The following SYNE1 variants were observed in gnomAD, a reference collection of about 807,000 sequenced individuals.
SYNE1 encodes spectrin repeat containing nuclear envelope protein 1, also known as nesprin-1.
In SYNE1, 616 loss-of-function variants were observed where a neutral mutation model predicts 1,111.0. That is an observed-to-expected ratio of 0.55 (90% CI 0.52 to 0.59). SYNE1 has a LOEUF of 0.59. Ranked by LOEUF, SYNE1 falls within the 20% of genes least tolerant of loss-of-function variation. The pLI is 0.00. For missense variants in SYNE1, 10,006 were observed against 10,417.0 expected (o/e 0.96, Z 1.72); for synonymous variants, 3,855 against 3,825.8 (o/e 1.01, Z -0.28).
At position 152,387,190 on chromosome 6, in the gene SYNE1, A is replaced by G; in HGVS notation, c.8369T>C (p.Leu2790Pro). ...LSEAEDHTRALHRLIAKSREL... is the reference protein window; with the variant it reads ...LSEAEDHTRAPHRLIAKSREL... Reference sequence around the variant, plus strand: ...CCTGGACTTCGCAATTAGACGGTGAAGGGCTCTCGTGTGATCTTCTGCCTC... The same window carrying G: ...CCTGGACTTCGCAATTAGACGGTGAGGGGCTCTCGTGTGATCTTCTGCCTC... The change falls in exon 54 of 146, where the codon CTT becomes CCT. Residue 2790 changes from leucine to proline, a missense_variant. Leu to Pro is a moderately conservative substitution (Grantham distance 98, BLOSUM62 -3). This residue lies in a region of SYNE1 where 4,955 missense variants were observed against 5,017.2 expected (regional missense o/e 0.99). Transcript: ENST00000367255. 6.2e-7 allele frequency: 1 copy of G among 1,614,170 alleles called. No homozygotes were observed. Among genetic ancestry groups the G allele is most frequent in the African/African-American group, 1.3e-5 (1 of 75,044 alleles).
Position 152,278,064 on chromosome 6 carries a change from G to C in SYNE1, c.18573+25C>G, listed in dbSNP as rs781099262. 4.3e-6 allele frequency: 7 copies of C among 1,613,140 alleles called. No homozygotes were observed. In the South Asian group the frequency reaches 7.7e-5, roughly 18 times the overall value. On this transcript the variant is annotated intron_variant, in intron 98 of 145. Transcript: ENST00000367255. Reference sequence around the variant, plus strand: ...GTGAACAGTGTGCCAACTTTCAGCTGTGGGCCAGCGGCTGGAACCCTCACC... The same window carrying C: ...GTGAACAGTGTGCCAACTTTCAGCTCTGGGCCAGCGGCTGGAACCCTCACC...
chr6:152,125,435 A>G, intron 145 of SYNE1: 1 of 1,464,838 alleles, frequency 6.8e-7, no homozygotes, highest in Non-Finnish European at 9.1e-7. Context: ...AGGCAGTTAC[A>G]TGACCATGGG....
At chr6:152,136,593 A>G in intron 141 of SYNE1, 25 bp downstream of exon 141, 1 of 1,611,640 alleles carries the variant, frequency 6.2e-7, no homozygotes. Context: ...TCTCTGAGTC[A>G]CCTCCTGCCC....
At chr6:152,512,867 A>C (rs2099092241) in intron 6 of SYNE1, among the ~76,000 whole-genome samples, 1 of 152,178 alleles carries the variant, frequency 6.6e-6, no homozygotes, top group African/African-American at 2.4e-5. Context: ...TAGGATGGGC[A>C]ATAGAGACAC....
intron 51 of SYNE1, among the ~76,000 whole-genome samples, chr6:152,392,997 C>G (rs760160689): frequency 6.6e-6 from 1 of 152,032 alleles, no homozygotes; most frequent in Non-Finnish European, 1.5e-5. Flanking sequence ...CAGGTGGCCC[C>G]GTGGAGAACC....
chr6:152,336,773 T>G (rs1429385910), intron 76 of SYNE1, 68 bp downstream of exon 76: 1 of 1,581,058 alleles, frequency 6.3e-7, no homozygotes, highest in Admixed American at 1.7e-5. Flanking sequence ...GTGAATACAC[T>G]GAACACATTT....
intron 67 of SYNE1, 23 bp from the exon 68 acceptor site, chr6:152,353,767 G>A (rs764390186): frequency 6.2e-7 from 1 of 1,613,000 alleles, no homozygotes; most frequent in Non-Finnish European, 8.5e-7. Context: ...AGTATCGAAG[G>A]GAAAGATTCA....
rs1331303735 is a variant in SYNE1, at chr6:152,321,122, A to G, written c.16236+116T>C. The G allele has an allele frequency of 3.3e-6, 4 of 1,199,890 alleles. No individual in the cohort carries two copies. The Admixed American group carries it at 9.4e-5, about 28-fold the overall frequency. 74.3% of individuals were successfully genotyped at this position (1,199,890 alleles called of 1,614,324 possible). On this transcript the variant is annotated intron_variant, in intron 84 of 145. Transcript: ENST00000367255. Reference sequence around the variant, plus strand: ...TAATATTATTGTTTTATAGCCATCTATTTTTTTTAACTCTGTCTCCAAGAA... The same window carrying G: ...TAATATTATTGTTTTATAGCCATCTGTTTTTTTTAACTCTGTCTCCAAGAA...
At chr6:152,224,762 A>C in intron 116 of SYNE1, 98 bp from the exon 117 acceptor site, 1 of 1,264,414 alleles carries the variant, frequency 7.9e-7, no homozygotes, top group South Asian at 1.3e-5. Context: ...TAAGAACTTC[A>C]TCAGGGTTTC....
intron 3 of SYNE1, among the ~76,000 whole-genome samples, chr6:152,597,598 A>G (rs543249498): frequency 3.9e-5 from 6 of 152,214 alleles, no homozygotes; most frequent in Non-Finnish European, 5.9e-5. Context: ...TTAATTCAGC[A>G]GCCAGATATC....
In SYNE1 at chr6:152,442,023, A is replaced by G. The variant is rs1271377865; in HGVS notation, c.4008+52T>C. ...CTTGGTGTTATGAGGCACAACCGGAAGTGAACACTGCCCAGCCTCTGTTTA... is the reference window on the plus strand; with the variant it reads ...CTTGGTGTTATGAGGCACAACCGGAGGTGAACACTGCCCAGCCTCTGTTTA... On this transcript the variant is annotated intron_variant, in intron 31 of 145. Coordinates refer to ENST00000367255, the MANE Select transcript of SYNE1 (RefSeq NM_182961.4). The G allele has an allele frequency of 7.5e-6, 12 of 1,608,972 alleles. No homozygotes were observed. In the East Asian group the frequency reaches 2.0e-4, roughly 27 times the overall value.
At chr6:152,559,174 A>G (rs1443443406) in intron 3 of SYNE1, among the ~76,000 whole-genome samples, 1 of 89,230 alleles carries the variant, frequency 1.1e-5, no homozygotes, top group Non-Finnish European at 2.2e-5. Context: ...CACTCACTGT[A>G]GCCTAGAACT....
intron 4 of SYNE1, among the ~76,000 whole-genome samples, chr6:152,536,860 T>A (rs2099245789): frequency 6.6e-6 from 1 of 152,102 alleles, no homozygotes; most frequent in African/African-American, 2.4e-5. Context: ...TGGTTCATAA[T>A]CTACAAAATA....
intron 75 of SYNE1, among the ~76,000 whole-genome samples, chr6:152,337,375 T>C (rs2096420601): frequency 6.6e-6 from 1 of 152,076 alleles, no homozygotes; most frequent in African/African-American, 2.4e-5. Flanking sequence ...CAGCAATCTC[T>C]GCCTCCCGGG....
At chr6:152,502,928 T>C (rs2099037603) in intron 9 of SYNE1, among the ~76,000 whole-genome samples, 186 bp from the exon 10 acceptor site, 1 of 152,096 alleles carries the variant, frequency 6.6e-6, no homozygotes, top group Non-Finnish European at 1.5e-5. Context: ...TGATGAAAAT[T>C]ATATTACTCA....
intron 140 of SYNE1, among the ~76,000 whole-genome samples, chr6:152,138,184 A>AT (rs2152766353): frequency 6.6e-6 from 1 of 152,192 alleles, no homozygotes; most frequent in African/African-American, 2.4e-5. Context: ...TGGAGGGGAG[A>AT]TTCATTTCTC....
intron 58 of SYNE1, among the ~76,000 whole-genome samples, chr6:152,374,642 C>T (rs910042441): frequency 3.9e-5 from 6 of 152,060 alleles, no homozygotes; most frequent in East Asian, 1.9e-4. Context: ...GGCGTGTTGA[C>T]GCATGTCTGT....
In SYNE1 at chr6:152,215,139, T is replaced by C. The variant is rs910111860; in HGVS notation, c.22192-79A>G. On this transcript the variant is annotated intron_variant, in intron 121 of 145. Transcript: ENST00000367255. ...TTTTTCAAAGTGCGCAGTGAATTTC[T>C]GATTTCAGGAAGTAGCTGGTCTTCG... The C allele has an allele frequency of 1.1e-4, 164 of 1,531,964 alleles. 2 individuals are homozygous for C. The South Asian group carries it at 1.8e-3, about 17-fold the overall frequency. 94.9% of individuals were successfully genotyped at this position (1,531,964 alleles called of 1,614,324 possible). A position where few individuals can be genotyped will look rare whatever the true frequency, so the allele number is the denominator to read the frequency against.
At chr6:152,595,738 G>A (rs909355507) in intron 3 of SYNE1, among the ~76,000 whole-genome samples, 2 of 152,110 alleles carry the variant, frequency 1.3e-5, no homozygotes, top group Non-Finnish European at 2.9e-5. Context: ...GGGAACTCTG[G>A]AAACTTTACA....
Sources: allele counts gnomAD v4.1 joint callset (sites outside exome capture counted in the v4.1 genomes callset), GRCh38; gene constraint gnomAD v4.1.1; regional missense constraint gnomAD v4.1.1; transcripts MANE v1.5; gene names NCBI Gene and HGNC (gene_info 2026-07-23, HGNC 2026-07-21).